The following DMTF1 variants were observed in gnomAD, a reference collection of about 807,000 sequenced individuals.
The protein encoded by DMTF1 is cyclin-D-binding Myb-like transcription factor 1.
DMTF1 carries 39 observed loss-of-function variants against 91.1 expected under a neutral mutation model. The ratio of observed to expected loss-of-function variants is 0.43; its 90% CI spans 0.33 to 0.56. The LOEUF is 0.56. Among genes scored for constraint, DMTF1 ranks in the 20% least tolerant of loss-of-function variants. The pLI is 0.05. For synonymous variants in DMTF1, 338 were observed against 309.5 expected (o/e 1.09, Z -0.97); for missense variants, 750 against 914.5 (o/e 0.82, Z 2.32).
chr7:87,156,945 A>G (rs1790890656), intron 1 of DMTF1, among the ~76,000 whole-genome samples: 1 of 152,142 alleles, frequency 6.6e-6, no homozygotes, highest in South Asian at 2.1e-4. Context: ...GCTCATTCAA[A>G]ATGTAAAGTA....
Position 87,190,951 on chromosome 7 carries a change from C to T in DMTF1, c.1418C>T (p.Ala473Val). 1.9e-6 allele frequency: 3 copies of T among 1,608,088 alleles called. No individual in the cohort carries two copies. Among genetic ancestry groups the T allele is most frequent in the Non-Finnish European group, 2.5e-6 (3 of 1,176,840 alleles). The change falls in exon 14 of 18, where the codon GCA (alanine) becomes GTA (valine). Residue 473 changes from alanine (A) to valine (V), a missense_variant. By Grantham distance (64) the Ala-to-Val change is moderately conservative (BLOSUM62 0). Transcript: ENST00000331242. ...IPVQITHVSSADSPATVDSET... is the reference protein window; with the variant it reads ...IPVQITHVSSVDSPATVDSET... ...TACCTTATTCTTACCACAGCTTCAGCAGACTCTCCTGCTACCGTTGACTCA... is the reference window on the plus strand; with the variant it reads ...TACCTTATTCTTACCACAGCTTCAGTAGACTCTCCTGCTACCGTTGACTCA...
intron 12 of DMTF1, chr7:87,187,307 G>C (rs1227588235): frequency 2.0e-5 from 3 of 152,392 alleles, no homozygotes; most frequent in Non-Finnish European, 4.4e-5. Context: ...GCCAAGGCAG[G>C]AGGATCACTT....
intron 2 of DMTF1, chr7:87,164,226 T>A (rs1359290774): frequency 6.6e-6 from 1 of 152,166 alleles, no homozygotes; most frequent in African/African-American, 2.4e-5. Context: ...GGCTATTGAT[T>A]ATAGTTTCAT....
chr7:87,179,562 T>C lies in DMTF1; in HGVS notation c.537T>C (p.Asp179=). ...CCATTTAGGCACGCGGAATAAAAGA[T>C]GCTACAGAAATCATCTTTGAGATGT... ...ERYLKARGIK[D]ATEIIFEMSK... is the part of the protein sequence containing the mutation. Residue 179 remains aspartate (D), a synonymous_variant, in exon 8 of 18, where the codon GAT becomes GAC. Coordinates refer to ENST00000331242, the MANE Select transcript of DMTF1 (RefSeq NM_001142327.2). 1.3e-6 allele frequency: 2 copies of C among 1,539,650 alleles called. No homozygotes were observed. Among genetic ancestry groups the C allele is most frequent in the Non-Finnish European group, 1.7e-6 (2 of 1,154,428 alleles).
rs540213431 is a variant in DMTF1, at chr7:87,188,316, T to A, written c.1411+15T>A. The A allele has an allele frequency of 2.5e-6, 4 of 1,613,084 alleles. No individual in the cohort carries two copies. In the South Asian group the frequency reaches 4.4e-5, roughly 18 times the overall value. On this transcript the variant is annotated intron_variant, in intron 13 of 17. Coordinates refer to ENST00000331242, the MANE Select transcript of DMTF1 (RefSeq NM_001142327.2). ...CACCCATGTTTGTAAGTGTTTGATC[T>A]TCAAGATTCCTTGCTGTTTGATCTA...
At chr7:87,184,359 A>C in intron 10 of DMTF1, 38 bp from the exon 11 acceptor site, 2 of 1,576,246 alleles carry the variant, frequency 1.3e-6, no homozygotes, top group Non-Finnish European at 1.7e-6. Flanking sequence ...TTGTAAAAGA[A>C]GTTAGCAGTG....
intron 1 of DMTF1, among the ~76,000 whole-genome samples, chr7:87,161,327 A>G (rs181627552): frequency 2.0e-4 from 30 of 152,156 alleles, no homozygotes; most frequent in Admixed American, 7.9e-4. Flanking sequence ...GTGAAACCCC[A>G]TCTCTACTAA....
intron 1 of DMTF1, among the ~76,000 whole-genome samples, chr7:87,158,594 T>G (rs1404499912): frequency 6.6e-6 from 1 of 152,064 alleles, no homozygotes; most frequent in African/African-American, 2.4e-5. Flanking sequence ...TGATTAGTTT[T>G]TAATGACCAG....
intron 2 of DMTF1, 138 bp from the exon 3 acceptor site, chr7:87,164,796 C>CT: frequency 7.1e-6 from 3 of 425,062 alleles, no homozygotes; most frequent in Non-Finnish European, 1.2e-5. Flanking sequence ...AATCTGAACT[C>CT]TCATTGCAGT....
At chr7:87,188,472 T>C (rs543779252) in intron 13 of DMTF1, among the ~76,000 whole-genome samples, 171 bp downstream of exon 13, 1 of 152,308 alleles carries the variant, frequency 6.6e-6, no homozygotes, top group South Asian at 2.1e-4. Flanking sequence ...ACACAATGAA[T>C]GTGTGACAGG....
chr7:87,160,110 C>T (rs1058972), intron 1 of DMTF1, among the ~76,000 whole-genome samples: 109,437 of 151,966 alleles, frequency 0.72, 39,902 homozygotes, highest in Middle Eastern at 0.87. Flanking sequence ...AAACTTTCTA[C>T]TCTACTATCA....
At chr7:87,154,510 C>T (rs1790166511) in intron 1 of DMTF1, 2 of 152,754 alleles carry the variant, frequency 1.3e-5, no homozygotes, top group Admixed American at 6.5e-5. Context: ...ATTGCCCTGT[C>T]TTCATCAACA....
Position 87,179,693 on chromosome 7 carries a change from A to G in DMTF1, c.668A>G (p.His223Arg). 1.3e-6 allele frequency: 2 copies of G among 1,573,552 alleles called. No individual in the cohort carries two copies. Among genetic ancestry groups the G allele is most frequent in the Non-Finnish European group, 1.7e-6 (2 of 1,166,420 alleles). ...RVLRMYDDRN[H>R]VGKYTPEEIE... is the part of the protein sequence containing the mutation. ...CTTCGCATGTATGATGACAGAAACC[A>G]TGTGGGAAAGTATGAGAACTTGTAA... The change falls in exon 8 of 18, where the codon CAT becomes CGT. Residue 223 changes from histidine (H) to arginine (R), a missense_variant. This residue lies in a region of DMTF1 where 190 missense variants were observed against 343.8 expected (regional missense o/e 0.55). Coordinates refer to ENST00000331242, the MANE Select transcript of DMTF1 (RefSeq NM_001142327.2).
intron 1 of DMTF1, among the ~76,000 whole-genome samples, chr7:87,153,727 T>C (rs948600587): frequency 6.6e-6 from 1 of 152,244 alleles, no homozygotes; most frequent in African/African-American, 2.4e-5. Context: ...TGTGGAATTA[T>C]TTTTTAATAT....
At chr7:87,175,003 G>C (rs1372007670) in intron 7 of DMTF1, among the ~76,000 whole-genome samples, 4 of 149,036 alleles carry the variant, frequency 2.7e-5, no homozygotes, top group African/African-American at 9.8e-5. Context: ...ATGCATCTTT[G>C]TTTTGTTTTG....
intron 7 of DMTF1, 32 bp downstream of exon 7, chr7:87,174,701 AT>A: frequency 1.3e-6 from 2 of 1,502,188 alleles, no homozygotes; most frequent in Non-Finnish European, 9.2e-7. Flanking sequence ...TGTTTCACCA[AT>A]TTGTTTATTG....
At chr7:87,172,402 A>C (rs1795276980) in intron 5 of DMTF1, among the ~76,000 whole-genome samples, 1 of 152,200 alleles carries the variant, frequency 6.6e-6, no homozygotes, top group Admixed American at 6.5e-5. Context: ...ATGTATTACC[A>C]CCAGATATAA....
intron 1 of DMTF1, among the ~76,000 whole-genome samples, chr7:87,158,468 G>T (rs200693211): frequency 1.3e-5 from 2 of 151,964 alleles, no homozygotes; most frequent in East Asian, 3.8e-4. Flanking sequence ...CATTGAGATT[G>T]TTACAGGAAC....
intron 14 of DMTF1, 67 bp downstream of exon 14, chr7:87,191,094 T>C (rs1054770994): frequency 9.4e-5 from 96 of 1,019,590 alleles, no homozygotes; most frequent in Non-Finnish European, 1.8e-5. Flanking sequence ...ATCACTTTTG[T>C]GTTTCATTTG....
Sources: allele counts gnomAD v4.1 joint callset (sites outside exome capture counted in the v4.1 genomes callset), GRCh38; gene constraint gnomAD v4.1.1; regional missense constraint gnomAD v4.1.1; transcripts MANE v1.5; gene names NCBI Gene and HGNC (gene_info 2026-07-23, HGNC 2026-07-21).